The following PDE11A variants were observed in gnomAD, a reference collection of about 807,000 sequenced individuals.
The protein encoded by PDE11A is dual 3',5'-cyclic-AMP and -GMP phosphodiesterase 11A.
In PDE11A, 100 loss-of-function variants were observed where a neutral mutation model predicts 100.5. The ratio of observed to expected loss-of-function variants is 1.00; its 90% CI spans 0.85 to 1.18. The LOEUF is 1.18. Among genes scored for constraint, PDE11A ranks in the 50% most tolerant of loss-of-function variants. The probability of loss-of-function intolerance (pLI) is 0.00; values close to 1 mark genes in which losing one functional copy is unlikely to be tolerated. For synonymous variants in PDE11A, 381 were observed against 420.8 expected, an observed-to-expected ratio of 0.91 and a Z score of 1.16; for missense variants, 1,141 against 1,152.6, an observed-to-expected ratio of 0.99 and a Z score of 0.15.
intron 13 of PDE11A, among the ~76,000 whole-genome samples, chr2:177,703,401 G>C (rs1268883044): frequency 5.3e-5 from 8 of 152,194 alleles, no homozygotes; most frequent in African/African-American, 1.9e-4. Flanking sequence ...TTCCAGATTT[G>C]AATCCAAGTT....
chr2:177,735,834 A>G (rs2081771015), intron 10 of PDE11A, among the ~76,000 whole-genome samples: 1 of 152,182 alleles, frequency 6.6e-6, no homozygotes, highest in African/African-American at 2.4e-5. Flanking sequence ...TTCGCTGTCC[A>G]TGCCAGGTTG....
At chr2:177,908,531 A>G (rs1187162078) in intron 2 of PDE11A, among the ~76,000 whole-genome samples, 2 of 152,116 alleles carry the variant, frequency 1.3e-5, no homozygotes, top group African/African-American at 4.8e-5. Context: ...AAAGGGAGGG[A>G]AATGGCAGAA....
chr2:177,941,216 T>G (rs987510847), intron 2 of PDE11A, among the ~76,000 whole-genome samples: 5 of 152,210 alleles, frequency 3.3e-5, no homozygotes, highest in Admixed American at 1.3e-4. Flanking sequence ...ACTAGGAAAC[T>G]GTGGCTTGAA....
intron 2 of PDE11A, among the ~76,000 whole-genome samples, chr2:177,991,663 C>G (rs912442461): frequency 2.7e-5 from 4 of 150,882 alleles, no homozygotes; most frequent in African/African-American, 9.8e-5. Flanking sequence ...TAATAATATA[C>G]CTTATATTTG....
At chr2:177,921,474 A>G (rs1034430218) in intron 2 of PDE11A, among the ~76,000 whole-genome samples, 4 of 148,680 alleles carry the variant, frequency 2.7e-5, no homozygotes, top group African/African-American at 7.4e-5. Context: ...CTAAAAGCAA[A>G]AAAAAAAAAA....
chr2:178,090,721 C>T (rs2087412444), intron 2 of PDE11A, among the ~76,000 whole-genome samples: 1 of 152,188 alleles, frequency 6.6e-6, no homozygotes, highest in Admixed American at 6.5e-5. Flanking sequence ...CCTAATTCTA[C>T]ATATTTGCAA....
intron 2 of PDE11A, among the ~76,000 whole-genome samples, chr2:177,921,192 A>G (rs1454076207): frequency 6.6e-6 from 1 of 151,120 alleles, no homozygotes; most frequent in African/African-American, 2.4e-5. Flanking sequence ...AACGTAGCAT[A>G]TTTGTATTAA....
At position 177,739,060 on chromosome 2, in the gene PDE11A, G is replaced by C. The variant is rs970067338; in HGVS notation, c.1789-10888C>G. On this transcript the variant is annotated intron_variant, in intron 10 of 19. Transcript: ENST00000286063. ...AAAGGAACAAGCCAACACTAACATG[G>C]AACCAAGCTCTTAACGCACAAAAGA... Among the ~76,000 whole-genome samples, 4 of 152,326 alleles carry C rather than the reference G, an allele frequency of 2.6e-5. No individual in the cohort carries two copies. In the East Asian group the frequency reaches 7.7e-4, roughly 29 times the overall value.
At chr2:177,881,654 AG>A (rs2084345307) in intron 4 of PDE11A, among the ~76,000 whole-genome samples, 1 of 152,236 alleles carries the variant, frequency 6.6e-6, no homozygotes, top group South Asian at 2.1e-4. Flanking sequence ...CCTCAAAAGC[AG>A]GAGTGGGCAA....
At chr2:178,045,431 A>T (rs530387931) in intron 1 of PDE11A, among the ~76,000 whole-genome samples, 1 of 152,326 alleles carries the variant, frequency 6.6e-6, no homozygotes, top group Non-Finnish European at 1.5e-5. Flanking sequence ...AGTCCTTGGC[A>T]ACACTGTCTC....
At chr2:177,784,789 G>C (rs567701601) in intron 9 of PDE11A, among the ~76,000 whole-genome samples, 1 of 152,262 alleles carries the variant, frequency 6.6e-6, no homozygotes, top group African/African-American at 2.4e-5. Flanking sequence ...TTAAGATCCA[G>C]CTTAAAATTA....
At chr2:177,868,017 G>C (rs1418127306) in intron 5 of PDE11A, among the ~76,000 whole-genome samples, 1 of 152,176 alleles carries the variant, frequency 6.6e-6, no homozygotes, top group Non-Finnish European at 1.5e-5. Context: ...ATAGGATTTG[G>C]GCCATGGTGG....
chr2:177,750,490 C>A (rs1347957109), intron 10 of PDE11A, among the ~76,000 whole-genome samples: 1 of 152,224 alleles, frequency 6.6e-6, no homozygotes, highest in African/African-American at 2.4e-5. Context: ...TTTCAGATTA[C>A]AGAACATGGC....
At chr2:177,706,156 A>G (rs922616075) in intron 13 of PDE11A, among the ~76,000 whole-genome samples, 3 of 152,246 alleles carry the variant, frequency 2.0e-5, no homozygotes, top group African/African-American at 7.2e-5. Context: ...AAGAGAATAA[A>G]TCAAATTGTG....
At chr2:177,642,356 C>T (rs1370665084) in intron 19 of PDE11A, among the ~76,000 whole-genome samples, 3 of 152,224 alleles carry the variant, frequency 2.0e-5, no homozygotes, top group South Asian at 4.1e-4. Flanking sequence ...TTTGGCAACA[C>T]GACCAAGGGT....
intron 9 of PDE11A, among the ~76,000 whole-genome samples, chr2:177,778,036 C>T (rs973533349): frequency 1.3e-5 from 2 of 152,232 alleles, no homozygotes; most frequent in African/African-American, 4.8e-5. Context: ...ATTGAACTTG[C>T]TTCCAGCAAA....
At chr2:177,744,295 G>C (rs774493270) in intron 10 of PDE11A, among the ~76,000 whole-genome samples, 2 of 152,018 alleles carry the variant, frequency 1.3e-5, no homozygotes, top group African/African-American at 2.4e-5. Flanking sequence ...TAATCTGCCT[G>C]GGGGAGAGTG....
At chr2:177,770,745 A>G (rs1238051365) in intron 9 of PDE11A, among the ~76,000 whole-genome samples, 3 of 152,238 alleles carry the variant, frequency 2.0e-5, no homozygotes, top group South Asian at 4.1e-4. Flanking sequence ...GTGGCATTTT[A>G]TAAGGCATAT....
intron 2 of PDE11A, among the ~76,000 whole-genome samples, chr2:177,955,592 A>AT (rs2105785599): frequency 1.3e-5 from 2 of 152,316 alleles, no homozygotes; most frequent in Admixed American, 1.3e-4. Context: ...GAGATTCTGC[A>AT]TTTCTAACAA....
Sources: allele counts gnomAD v4.1 joint callset (sites outside exome capture counted in the v4.1 genomes callset), GRCh38; gene constraint gnomAD v4.1.1; transcripts MANE v1.5; gene names NCBI Gene and HGNC (gene_info 2026-07-23, HGNC 2026-07-21).